Variants in RGS6 observed in about 807,000 individuals in gnomAD.
RGS6 encodes regulator of G-protein signaling 6.
In RGS6, 30 loss-of-function variants were observed where a neutral mutation model predicts 78.5. The ratio of observed to expected loss-of-function variants is 0.38; its 90% CI spans 0.29 to 0.52. The LOEUF (loss-of-function observed/expected upper bound fraction) is 0.52, where lower values mean the gene tolerates loss of function less well. Ranked by LOEUF, RGS6 falls within the 20% of genes least tolerant of loss-of-function variation. The pLI, the probability that RGS6 is intolerant of heterozygous loss-of-function variation, is 0.85. For missense variants in RGS6, 495 were observed against 609.7 expected (o/e 0.81, Z 1.98); for synonymous variants, 206 against 206.0 (o/e 1.00, Z 0.00).
In RGS6 at chr14:72,536,027, G is replaced by A. The variant is rs562633286; in HGVS notation, c.1279-159G>A. Among the ~76,000 whole-genome samples the A allele has an allele frequency of 3.9e-5, 6 of 152,280 alleles. No homozygotes were observed. In the South Asian group the frequency reaches 1.0e-3, roughly 26 times the overall value. ...TTTGTTTGGTGCTGCTGAGTTTGGG[G>A]GTGTGGGGATGGAACATGTTGCAAG... On this transcript the variant is annotated intron_variant, in intron 15 of 17. Transcript: ENST00000553525.
At position 72,180,884 on chromosome 14, in the gene RGS6, C is replaced by T. The variant is rs137921795; in HGVS notation, c.85-171211C>T. Among the ~76,000 whole-genome samples, 448 of 152,324 alleles carry T rather than the reference C, an allele frequency of 2.9e-3. 1 individual carries two copies. The highest frequency in any genetic ancestry group is 0.01 in the African/African-American group (430 of 41,576). ...ACCATGGGACAATCCTCTCCAGATG[C>T]CTGTGCCATGCTCTTGGACTTCCCA... On this transcript the variant is annotated intron_variant, in intron 2 of 17. Transcript: ENST00000553525.
chr14:72,053,061 C>CCTCCCT (rs1567107146), intron 2 of RGS6, among the ~76,000 whole-genome samples: 1 of 15,610 alleles, frequency 6.4e-5, no homozygotes, highest in Non-Finnish European at 9.8e-5. Flanking sequence ...CCCTCCCTCC[C>CCTCCCT]TCCCTCCCTC....
At chr14:71,966,510 C>T (rs1034758489) in intron 2 of RGS6, among the ~76,000 whole-genome samples, 4 of 152,300 alleles carry the variant, frequency 2.6e-5, no homozygotes, top group South Asian at 4.1e-4. Context: ...TGGGAGACCC[C>T]GTGCCAGGCT....
At chr14:72,365,891 T>C (rs938973204) in intron 3 of RGS6, among the ~76,000 whole-genome samples, 9 of 152,114 alleles carry the variant, frequency 5.9e-5, no homozygotes, top group Non-Finnish European at 2.9e-5. Context: ...AAGATCAGTC[T>C]TGATTATGCT....
At chr14:72,361,015 C>T (rs1318006427) in intron 3 of RGS6, among the ~76,000 whole-genome samples, 5 of 151,598 alleles carry the variant, frequency 3.3e-5, no homozygotes, top group African/African-American at 1.2e-4. Flanking sequence ...GCGTGCTTCC[C>T]TTTTCGCCAT....
intron 2 of RGS6, among the ~76,000 whole-genome samples, chr14:72,155,488 G>A (rs1382571143): frequency 6.6e-6 from 1 of 152,142 alleles, no homozygotes; most frequent in African/African-American, 2.4e-5. Context: ...AATATCATAC[G>A]TGGTTACTCA....
chr14:72,029,839 T>C (rs2090551665), intron 2 of RGS6, among the ~76,000 whole-genome samples: 1 of 152,208 alleles, frequency 6.6e-6, no homozygotes, highest in African/African-American at 2.4e-5. Flanking sequence ...GAGAACCAGC[T>C]CATTTGAGAA....
the RGS6 span, among the ~76,000 whole-genome samples, chr14:72,588,573 C>G: frequency 6.6e-6 from 1 of 152,172 alleles, no homozygotes; most frequent in Non-Finnish European, 1.5e-5. Context: ...GAGCCTCACC[C>G]CTTCCCCCTT....
At chr14:72,388,417 C>T (rs1000897766) in intron 3 of RGS6, among the ~76,000 whole-genome samples, 1 of 152,186 alleles carries the variant, frequency 6.6e-6, no homozygotes, top group African/African-American at 2.4e-5. Context: ...CCTTCCACGT[C>T]AGTGCAATAA....
At chr14:72,337,057 G>A (rs980026240) in intron 2 of RGS6, among the ~76,000 whole-genome samples, 9 of 152,096 alleles carry the variant, frequency 5.9e-5, no homozygotes, top group African/African-American at 1.9e-4. Flanking sequence ...TCAATGTCTC[G>A]ATTTGGAGTG....
At position 72,500,596 on chromosome 14, in the gene RGS6, A is replaced by C. The variant is rs144800745; in HGVS notation, c.965+5334A>C. ...TGTAGCAAGGTAAATAAAACATGCT[A>C]TCTTACCATCTGGCACCAGAACTCC... On this transcript the variant is annotated intron_variant, in intron 13 of 17. Coordinates refer to ENST00000553525, the MANE Select transcript of RGS6 (RefSeq NM_001204424.2). 2.6e-5 allele frequency among the ~76,000 whole-genome samples: 4 copies of C among 152,398 alleles called. No homozygotes were observed. The East Asian group carries it at 7.7e-4, about 29-fold the overall frequency.
At chr14:71,920,024 T>C in the RGS6 span, among the ~76,000 whole-genome samples, 1 of 152,058 alleles carries the variant, frequency 6.6e-6, no homozygotes, top group Admixed American at 6.5e-5. Flanking sequence ...AATAAAGAAT[T>C]TTTTATTGTT....
At chr14:72,601,767 C>T in the RGS6 span, among the ~76,000 whole-genome samples, 25 of 152,348 alleles carry the variant, frequency 1.6e-4, 2 homozygotes, top group South Asian at 4.3e-3. Flanking sequence ...TACTGGCCAG[C>T]CTAGACTACT....
intron 2 of RGS6, among the ~76,000 whole-genome samples, chr14:72,094,158 T>G (rs992179567): frequency 6.6e-6 from 1 of 152,242 alleles, no homozygotes; most frequent in African/African-American, 2.4e-5. Context: ...TTATGTGCTT[T>G]CTTTATCGAA....
chr14:72,185,867 C>A (rs776592994), intron 2 of RGS6, among the ~76,000 whole-genome samples: 3 of 152,238 alleles, frequency 2.0e-5, no homozygotes, highest in Non-Finnish European at 2.9e-5. Context: ...ATTGCTTGAG[C>A]TTGAGTCAAG....
intron 1 of RGS6, among the ~76,000 whole-genome samples, chr14:71,963,096 C>T (rs967654769): frequency 6.6e-6 from 1 of 152,180 alleles, no homozygotes; most frequent in African/African-American, 2.4e-5. Flanking sequence ...GTGGAATTCA[C>T]ATTTTACTGC....
At chr14:72,102,267 A>C (rs567700758) in intron 2 of RGS6, among the ~76,000 whole-genome samples, 1 of 152,176 alleles carries the variant, frequency 6.6e-6, no homozygotes, top group Non-Finnish European at 1.5e-5. Flanking sequence ...CTATTTTCCT[A>C]TGTATGTTTT....
chr14:71,908,619 G>T, the RGS6 span, among the ~76,000 whole-genome samples: 1 of 152,150 alleles, frequency 6.6e-6, no homozygotes, highest in African/African-American at 2.4e-5. Context: ...GGCACAATGA[G>T]GCCACAGGAG....
intron 2 of RGS6, among the ~76,000 whole-genome samples, chr14:72,035,566 T>C (rs1410611484): frequency 1.3e-5 from 2 of 152,218 alleles, no homozygotes; most frequent in African/African-American, 4.8e-5. Flanking sequence ...AGGTTGTTAA[T>C]TTCTTTCTTC....
Sources: allele counts gnomAD v4.1 joint callset (sites outside exome capture counted in the v4.1 genomes callset), GRCh38; gene constraint gnomAD v4.1.1; transcripts MANE v1.5; gene names NCBI Gene and HGNC (gene_info 2026-07-23, HGNC 2026-07-21).